PBLD: variants seen among roughly 807,000 people sequenced by gnomAD.
PBLD encodes phenazine biosynthesis like protein domain containing, also known as phenazine biosynthesis-like domain-containing protein.
PBLD carries 26 observed loss-of-function variants against 31.3 expected under a neutral mutation model. That is an observed-to-expected ratio of 0.83 (90% CI 0.61 to 1.15). The LOEUF (loss-of-function observed/expected upper bound fraction) is 1.15, where lower values mean the gene tolerates loss of function less well. Ranked by LOEUF, PBLD falls within the 50% of genes most tolerant of loss-of-function variation. The pLI is 0.00. For synonymous variants in PBLD, 114 were observed against 129.0 expected (o/e 0.88, Z 0.79); for missense variants, 307 against 351.7 (o/e 0.87, Z 1.02).
intron 1 of PBLD, among the ~76,000 whole-genome samples, chr10:68,319,830 A>ATTTATTTTTATTTATTTAT (rs2044807051): frequency 6.8e-6 from 1 of 147,102 alleles, no homozygotes; most frequent in Admixed American, 6.8e-5. Flanking sequence ...TTATTTATTT[A>ATTTATTTTTATTTATTTAT]TTTTTTTTTT....
rs189341799 is a variant in PBLD at position 68,332,402 on chromosome 10, A to G, written c.-60+382T>C. On this transcript the variant is annotated intron_variant, in intron 1 of 9. Transcript: ENST00000358769. ...CCACTTCAGGGAGGGCGGCTTGCCG[A>G]TGGGAGGACTTGCTCAGGTGGAATT... Among the ~76,000 whole-genome samples the G allele has an allele frequency of 2.7e-3, 406 of 152,110 alleles. 1 individual carries two copies. Among genetic ancestry groups the G allele is most frequent in the African/African-American group, 9.4e-3 (389 of 41,494 alleles).
rs775530306 is a variant in PBLD at position 68,289,039 on chromosome 10, A to T, written c.424-20T>A. On this transcript the variant is annotated intron_variant, in intron 6 of 9. Transcript: ENST00000358769. ...GGCAGTCTGTGGAGACAGACCAAAA[A>T]CTCCTCAGGGACATGCCCTGGGCCA... The T allele has an allele frequency of 6.3e-7, 1 of 1,596,918 alleles. No individual in the cohort carries two copies. The highest frequency in any genetic ancestry group is 1.7e-5 in the Admixed American group (1 of 59,800).
intron 2 of PBLD, among the ~76,000 whole-genome samples, chr10:68,303,993 G>A (rs1316508201): frequency 6.6e-6 from 1 of 152,152 alleles, no homozygotes; most frequent in Admixed American, 6.5e-5. Flanking sequence ...TAGACTCTGA[G>A]CCCTTCAAGG....
chr10:68,320,821 CT>C (rs201356125), intron 1 of PBLD, among the ~76,000 whole-genome samples: 193 of 142,742 alleles, frequency 1.4e-3, no homozygotes, highest in East Asian at 2.3e-3. Flanking sequence ...GCTCAACCCC[CT>C]TTTTTTTTTT....
At chr10:68,292,762 G>A (rs1332641325) in intron 4 of PBLD, among the ~76,000 whole-genome samples, 1 of 151,920 alleles carries the variant, frequency 6.6e-6, no homozygotes, top group Non-Finnish European at 1.5e-5. Context: ...CACCCACCTC[G>A]GCCTCCCAAA....
chr10:68,299,322 T>C (rs1278397261), intron 2 of PBLD, among the ~76,000 whole-genome samples: 1 of 152,066 alleles, frequency 6.6e-6, no homozygotes, highest in Non-Finnish European at 1.5e-5. Context: ...TTTAAAGAAA[T>C]TTCAAGACAA....
chr10:68,288,999 C>G lies in PBLD; in HGVS notation c.444G>C (p.Leu148=). The G allele has an allele frequency of 1.9e-6, 3 of 1,614,032 alleles. No homozygotes were observed. The highest frequency in any genetic ancestry group is 1.7e-5 in the Admixed American group (1 of 60,010). ...CTGGAGAATAACAGATGTCCTGGAC[C>G]AGTGTGTTGCCTATGGCAGTCTGTG... The part of the protein sequence containing the change: ...DLIKTAIGNT[L]VQDICYSPDT... The change falls in exon 7 of 10, where the codon CTG becomes CTC. Residue 148 remains leucine, a synonymous_variant. Transcript: ENST00000358769.
intron 1 of PBLD, among the ~76,000 whole-genome samples, chr10:68,307,826 A>T (rs1211786527): frequency 1.3e-5 from 2 of 152,156 alleles, no homozygotes; most frequent in Non-Finnish European, 2.9e-5. Context: ...AATGAAATGC[A>T]TGAAACATAC....
At chr10:68,297,099 T>A in intron 2 of PBLD, 114 bp from the exon 3 acceptor site, 1 of 802,712 alleles carries the variant, frequency 1.2e-6, no homozygotes, top group Non-Finnish European at 2.0e-6. Flanking sequence ...GTTACACGCT[T>A]AAAAGGAAAT....
chr10:68,288,970 G>T lies in PBLD; in HGVS notation c.473C>A (p.Thr158Asn), dbSNP rs1349913674. 2 of 1,614,046 alleles carry T rather than the reference G, an allele frequency of 1.2e-6. No homozygotes were observed. Among genetic ancestry groups the T allele is most frequent in the African/African-American group, 2.7e-5 (2 of 74,924 alleles). Residue 158 changes from threonine to asparagine, a missense_variant, in exon 7 of 10, where the codon ACC (threonine) becomes AAC (asparagine). Thr to Asn is a moderately conservative substitution (Grantham distance 65). Transcript: ENST00000358769. ...ACTGAGGCGGACGAGGAGCTTTTGG[G>T]TATCTGGAGAATAACAGATGTCCTG... ...LVQDICYSPD[T>N]QKLLVRLSDV... is the part of the protein sequence containing the mutation.
chr10:68,312,421 T>G (rs1437493411), intron 1 of PBLD, among the ~76,000 whole-genome samples: 3 of 152,200 alleles, frequency 2.0e-5, no homozygotes, highest in Non-Finnish European at 4.4e-5. Context: ...GATTTGCATT[T>G]CCTTGATGAT....
chr10:68,296,548 C>T (rs2044430726), intron 3 of PBLD, among the ~76,000 whole-genome samples, 184 bp from the exon 4 acceptor site: 1 of 152,156 alleles, frequency 6.6e-6, no homozygotes, highest in African/African-American at 2.4e-5. Context: ...GGAATGGAAA[C>T]ATTCAGATTC....
chr10:68,303,370 A>G (rs61857263), intron 2 of PBLD, among the ~76,000 whole-genome samples: 119,462 of 151,618 alleles, frequency 0.79, 47,682 homozygotes, highest in Non-Finnish European at 0.86. Flanking sequence ...ACAGGTGTGA[A>G]CCACCGCACC....
At chr10:68,289,258 T>A (rs2134427093) in intron 6 of PBLD, among the ~76,000 whole-genome samples, 1 of 152,284 alleles carries the variant, frequency 6.6e-6, no homozygotes, top group East Asian at 1.9e-4. Context: ...CCAGGTGCAG[T>A]GGCTCACACC....
chr10:68,288,279 G>C, intron 8 of PBLD: 3 of 593,352 alleles, frequency 5.1e-6, no homozygotes. Context: ...TGACACTCAG[G>C]TTTAACCCTG....
At chr10:68,319,051 G>GAA (rs2044780845) in intron 1 of PBLD, among the ~76,000 whole-genome samples, 13 of 98,764 alleles carry the variant, frequency 1.3e-4, no homozygotes, top group Admixed American at 8.2e-4. Context: ...GAAAGAAAGA[G>GAA]AGAGAAAGAA....
At chr10:68,297,726 T>C (rs2044449058) in intron 2 of PBLD, among the ~76,000 whole-genome samples, 1 of 152,202 alleles carries the variant, frequency 6.6e-6, no homozygotes, top group Non-Finnish European at 1.5e-5. Context: ...TAAATATTTT[T>C]ATACCCTTAC....
In PBLD at chr10:68,332,839, C is replaced by G. The variant is rs956313322; in HGVS notation, c.-115G>C. 6 of 152,390 alleles carry G rather than the reference C, an allele frequency of 3.9e-5. No individual in the cohort carries two copies. Among genetic ancestry groups the G allele is most frequent in the African/African-American group, 1.4e-4 (6 of 41,458 alleles). The allele number at this position is 152,390 out of a possible 1,614,324, so 9.4% of individuals were successfully genotyped here. On this transcript the variant is annotated 5_prime_UTR_variant, in exon 1 of 10. Coordinates refer to ENST00000358769, the MANE Select transcript of PBLD (RefSeq NM_022129.4). The stretch of plus-strand genomic sequence containing the variant: ...ACGCAGATTCCCAAGATGAGAGAGG[C>G]TGGAGCTGGGGGAGGAAAGCCAATG...
intron 2 of PBLD, among the ~76,000 whole-genome samples, chr10:68,304,579 AAAAG>A (rs915164841): frequency 1.4e-4 from 21 of 152,240 alleles, no homozygotes; most frequent in African/African-American, 3.1e-4. Flanking sequence ...AGAGAGAGAA[AAAAG>A]AAAGAAAGAA....
Sources: gnomAD v4.1 joint callset for allele counts (sites outside exome capture counted in the v4.1 genomes callset) on GRCh38, gnomAD v4.1.1 for gene constraint, MANE v1.5 for transcripts, NCBI Gene and HGNC (gene_info 2026-07-23, HGNC 2026-07-21) for gene names.